The following ZNF548 variants were observed in gnomAD, a reference collection of about 807,000 sequenced individuals.
ZNF548 encodes the protein zinc finger protein 548.
A neutral mutation model predicts 10.2 loss-of-function variants in ZNF548; 10 were observed. The observed-to-expected ratio is 0.98, with a 90% confidence interval of 0.60 to 1.66. The LOEUF is 1.66. ZNF548 is among the 40% of genes most tolerant of loss of function. The pLI, the probability that ZNF548 is intolerant of heterozygous loss-of-function variation, is 0.00. For missense variants in ZNF548, 599 were observed against 657.0 expected, an observed-to-expected ratio of 0.91 and a Z score of 0.97; for synonymous variants, 217 against 223.5, an observed-to-expected ratio of 0.97 and a Z score of 0.26.
At position 57,399,679 on chromosome 19, in the gene ZNF548, T is replaced by A; in HGVS notation, c.1428T>A (p.Leu476=). 13 of 1,613,876 alleles carry A rather than the reference T, an allele frequency of 8.1e-6. No individual in the cohort carries two copies. Among genetic ancestry groups the A allele is most frequent in the Non-Finnish European group, 1.1e-5 (13 of 1,179,880 alleles). The change falls in exon 4 of 4, where the codon CTT becomes CTA. Residue 476 remains leucine (L), a synonymous_variant. Coordinates refer to ENST00000336128, the MANE Select transcript of ZNF548 (RefSeq NM_001172773.2). This position sits in a 1 kb window ranked among gnomAD's most constrained non-coding sequence, Gnocchi z 4.0. ...CGKAFSHKHI[L]VEHQKIHSGE... is the part of the protein sequence containing the mutation. ...AAGCCTTTAGCCACAAGCATATACT[T>A]GTTGAGCACCAGAAAATCCACAGTG...
rs1352275994 is a variant in ZNF548, at chr19:57,399,023, G to T, written c.772G>T (p.Val258Phe). Residue 258 changes from valine to phenylalanine, a missense_variant, in exon 4 of 4, where the codon GTT becomes TTT. Physicochemically the swap from Val to Phe is conservative, Grantham distance 50. Transcript: ENST00000336128. This position sits in a 1 kb window ranked among gnomAD's most constrained non-coding sequence, Gnocchi z 4.0. ...YSANFMKHQT[V>F]HTSERTYECR... ...TGCCAATTTCATGAAACATCAGACAGTTCACACTAGTGAAAGGACTTATGA... is the reference window on the plus strand; with the variant it reads ...TGCCAATTTCATGAAACATCAGACATTTCACACTAGTGAAAGGACTTATGA... The T allele has an allele frequency of 6.2e-7, 1 of 1,614,154 alleles. No individual in the cohort carries two copies. Among genetic ancestry groups the T allele is most frequent in the South Asian group, 1.1e-5 (1 of 91,086 alleles).
At chr19:57,390,340 G>A in intron 1 of ZNF548, 1 of 424,400 alleles carries the variant, frequency 2.4e-6, no homozygotes, top group Non-Finnish European at 4.2e-6. Flanking sequence ...AGGGGTGTGT[G>A]TTGTTTCTGC....
chr19:57,396,815 A>C, intron 2 of ZNF548: 1 of 475,110 alleles, frequency 2.1e-6, no homozygotes, highest in Non-Finnish European at 3.6e-6. Flanking sequence ...CACCTGGGCT[A>C]TTGGGACTGT....
At chr19:57,398,331 A>G (rs891847125) in intron 3 of ZNF548, 99 bp from the exon 4 acceptor site, 1 of 1,551,726 alleles carries the variant, frequency 6.4e-7, no homozygotes, top group Non-Finnish European at 8.7e-7. Context: ...CCCCAATCCC[A>G]TGGCCTTATT....
rs886916512 is a variant in ZNF548, at chr19:57,395,515, C to T, written c.51+1292C>T. Among the ~76,000 whole-genome samples, 2 of 151,906 alleles carry T rather than the reference C, an allele frequency of 1.3e-5. No individual in the cohort carries two copies. Among genetic ancestry groups the T allele is most frequent in the Non-Finnish European group, 2.9e-5 (2 of 68,000 alleles). ...GAGGCCTCAGGAAACACAATCCTGG[C>T]GGAAGGTGAAGGGGAAGCGAGGCAC... On this transcript the variant is annotated intron_variant, in intron 2 of 3. Coordinates refer to ENST00000336128, the MANE Select transcript of ZNF548 (RefSeq NM_001172773.2). This position sits in a 1 kb window ranked among gnomAD's most constrained non-coding sequence, Gnocchi z 4.8.
chr19:57,398,580 G>A lies in ZNF548; in HGVS notation c.329G>A (p.Cys110Tyr), dbSNP rs1568532620. The change falls in exon 4 of 4, where the codon TGC becomes TAC. Residue 110 changes from cysteine to tyrosine, a missense_variant. Cys to Tyr is a radical substitution (Grantham distance 194, BLOSUM62 -2). Transcript: ENST00000336128. The part of the protein sequence containing the change: ...TCGPPLKDIL[C>Y]LVEHNGIHPE... ...GGCCCACCCTTGAAAGACATTCTGT[G>A]CCTGGTTGAGCACAATGGAATTCAT... 1 of 1,614,066 alleles carries A rather than the reference G, an allele frequency of 6.2e-7. No homozygotes were observed. Among genetic ancestry groups the A allele is most frequent in the Non-Finnish European group, 8.5e-7 (1 of 1,179,908 alleles).
intron 2 of ZNF548, among the ~76,000 whole-genome samples, chr19:57,396,545 G>A (rs2088666098): frequency 6.6e-6 from 1 of 152,184 alleles, no homozygotes; most frequent in South Asian, 2.1e-4. Context: ...TTACCTATTG[G>A]GTTTTAATTT....
chr19:57,392,425 A>G (rs1380071951), intron 1 of ZNF548, among the ~76,000 whole-genome samples: 1 of 152,200 alleles, frequency 6.6e-6, no homozygotes, highest in Non-Finnish European at 1.5e-5. Context: ...CAGGTCTTAC[A>G]TTTAAATCTT....
chr19:57,389,919 C>G lies in ZNF548; in HGVS notation c.-181C>G, dbSNP rs529541437. The G allele has an allele frequency of 1.5e-6, 1 of 686,244 alleles. No individual in the cohort carries two copies. The highest frequency in any genetic ancestry group is 2.3e-6 in the Non-Finnish European group (1 of 429,612). 42.5% of individuals were successfully genotyped at this position (686,244 alleles called of 1,614,324 possible). ...TGTGTGGTGTTTCACCAACTTCGGC[C>G]TATGGCTCTGTCTGACGTCACCGAA... On this transcript the variant is annotated 5_prime_UTR_variant, in exon 1 of 4. Coordinates refer to ENST00000336128, the MANE Select transcript of ZNF548 (RefSeq NM_001172773.2).
In ZNF548 at chr19:57,398,607, C is replaced by T. The variant is rs752589052; in HGVS notation, c.356C>T (p.Pro119Leu). ...LCLVEHNGIH[P>L]EQHIYICEAE... ...CTGGTTGAGCACAATGGAATTCATC[C>T]TGAGCAACACATATATATTTGTGAG... The change falls in exon 4 of 4, where the codon CCT becomes CTT. Residue 119 changes from proline (P) to leucine (L), a missense_variant. Coordinates refer to ENST00000336128, the MANE Select transcript of ZNF548 (RefSeq NM_001172773.2). 112 of 1,613,938 alleles carry T rather than the reference C, an allele frequency of 6.9e-5. No homozygotes were observed. The Middle Eastern group carries it at 1.6e-3, about 24-fold the overall frequency.
chr19:57,399,306 A>T lies in ZNF548; in HGVS notation c.1055A>T (p.Asn352Ile). The T allele has an allele frequency of 6.2e-7, 1 of 1,613,568 alleles. No homozygotes were observed. The highest frequency in any genetic ancestry group is 8.5e-7 in the Non-Finnish European group (1 of 1,179,822). ...VHTGERPYKC[N>I]DCGKFFRYIS... The stretch of plus-strand genomic sequence containing the variant: ...ACCGGAGAAAGACCTTATAAGTGCA[A>T]TGATTGTGGGAAATTTTTTAGGTAT... Residue 352 changes from asparagine (N) to isoleucine (I), a missense_variant, in exon 4 of 4, where the codon AAT becomes ATT. Physicochemically the swap from Asn to Ile is moderately radical, Grantham distance 149. Coordinates refer to ENST00000336128, the MANE Select transcript of ZNF548 (RefSeq NM_001172773.2). The surrounding 1 kb of genome is among the most constrained non-coding windows in gnomAD (Gnocchi z 4.0).
Position 57,395,755 on chromosome 19 carries a change from A to G in ZNF548, c.52-1293A>G, listed in dbSNP as rs991552104. Among the ~76,000 whole-genome samples the G allele has an allele frequency of 3.3e-5, 5 of 152,228 alleles. No homozygotes were observed. Among genetic ancestry groups the G allele is most frequent in the Non-Finnish European group, 7.3e-5 (5 of 68,032 alleles). On this transcript the variant is annotated intron_variant, in intron 2 of 3. Transcript: ENST00000336128. The surrounding 1 kb of genome is among the most constrained non-coding windows in gnomAD (Gnocchi z 4.8). ...GGGTGGGGACACAGAGCCAAACCATATCAGGAGTGGAAATATGGAGGTCAG... is the reference window on the plus strand; with the variant it reads ...GGGTGGGGACACAGAGCCAAACCATGTCAGGAGTGGAAATATGGAGGTCAG...
At chr19:57,392,833 G>A (rs1369844820) in intron 1 of ZNF548, 22 of 985,412 alleles carry the variant, frequency 2.2e-5, no homozygotes, top group Admixed American at 6.2e-5. Context: ...AGGGGGCTGA[G>A]ACTTGGGGGC....
Position 57,398,961 on chromosome 19 carries a change from A to G in ZNF548, c.710A>G (p.Tyr237Cys). Residue 237 changes from tyrosine (Y) to cysteine (C), a missense_variant, in exon 4 of 4, where the codon TAT becomes TGT. By Grantham distance (194) the Tyr-to-Cys change is radical. Transcript: ENST00000336128. ...HQKIHTGERS[Y>C]ECNKCGKFFK... is the part of the protein sequence containing the mutation. ...AAAATCCACACAGGAGAAAGGTCTT[A>G]TGAATGTAACAAATGTGGGAAATTC... is the stretch of plus-strand genomic sequence containing the variant. The G allele has an allele frequency of 6.2e-7, 1 of 1,614,132 alleles. No homozygotes were observed. The highest frequency in any genetic ancestry group is 2.2e-5 in the East Asian group (1 of 44,888).
Position 57,396,517 on chromosome 19 carries a change from A to G in ZNF548, c.52-531A>G, listed in dbSNP as rs114191919. ...GGGACAGCGATGAGATCCTGGAGAG[A>G]GAAATGTAGCAGTCATTTTACCTAT... On this transcript the variant is annotated intron_variant, in intron 2 of 3. Transcript: ENST00000336128. 1.6e-3 allele frequency among the ~76,000 whole-genome samples: 249 copies of G among 152,332 alleles called. 1 individual carries two copies. Among genetic ancestry groups the G allele is most frequent in the African/African-American group, 5.7e-3 (237 of 41,564 alleles).
chr19:57,401,816 A>G lies in ZNF548; in HGVS notation c.*1927A>G, dbSNP rs1362449138. ...TGCAGTAGTGGAATCTCAGCTCACT[A>G]CAACCTCCGCCTCCTGGGTTCGAGC... On this transcript the variant is annotated 3_prime_UTR_variant, in exon 4 of 4. Transcript: ENST00000336128. 2.6e-5 allele frequency: 4 copies of G among 151,064 alleles called. No individual in the cohort carries two copies. Among genetic ancestry groups the G allele is most frequent in the African/African-American group, 9.8e-5 (4 of 40,966 alleles). 9.4% of individuals were successfully genotyped at this position (151,064 alleles called of 1,614,324 possible).
At position 57,396,994 on chromosome 19, in the gene ZNF548, TA is replaced by T; in HGVS notation, c.52-51del. 3 of 1,563,000 alleles carry T rather than the reference TA, an allele frequency of 1.9e-6. No homozygotes were observed. The South Asian group carries it at 3.6e-5, about 19-fold the overall frequency. ...ATAAGTAGAAAATAGAGAACTTAAG[TA>T]AATACAGCTTGAAAAGAAGCTGCTT... On this transcript the variant is annotated intron_variant, in intron 2 of 3. Transcript: ENST00000336128.
rs1254223569 is a variant in ZNF548, at chr19:57,395,720, C to T, written c.52-1328C>T. 1.3e-5 allele frequency among the ~76,000 whole-genome samples: 2 copies of T among 152,148 alleles called. No homozygotes were observed. The highest frequency in any genetic ancestry group is 4.8e-5 in the African/African-American group (2 of 41,418). On this transcript the variant is annotated intron_variant, in intron 2 of 3. Coordinates refer to ENST00000336128, the MANE Select transcript of ZNF548 (RefSeq NM_001172773.2). The surrounding 1 kb of genome is among the most constrained non-coding windows in gnomAD (Gnocchi z 4.8). ...CTGACACGTGGGGATTACAATTTGA[C>T]ATGAGATTTGGGTGGGGACACAGAG...
Position 57,399,805 on chromosome 19 carries a change from C to T in ZNF548, c.1554C>T (p.Cys518=), listed in dbSNP as rs1453470255. The T allele has an allele frequency of 6.2e-7, 1 of 1,613,968 alleles. No individual in the cohort carries two copies. The highest frequency in any genetic ancestry group is 8.5e-7 in the Non-Finnish European group (1 of 1,179,886). The change falls in exon 4 of 4, where the codon TGC becomes TGT. Residue 518 remains cysteine (C), a synonymous_variant. Transcript: ENST00000336128. This position sits in a 1 kb window ranked among gnomAD's most constrained non-coding sequence, Gnocchi z 4.0. ...TCCACAGTGAAGAGAGGCTTGTGTG[C>T]TCCATGAATGTGGGGAATTCTTTAG... ...QKIHSEERLV[C]SMNVGNSLAK...
Sources: gnomAD v4.1 joint callset for allele counts (sites outside exome capture counted in the v4.1 genomes callset) on GRCh38, gnomAD v4.1.1 for gene constraint, Gnocchi (gnomAD v3.1) non-coding constraint, MANE v1.5 for transcripts, NCBI Gene and HGNC (gene_info 2026-07-23, HGNC 2026-07-21) for gene names.